Variants in TRIM22 observed in about 807,000 individuals in gnomAD.
The protein encoded by TRIM22 is tripartite motif containing 22.
A neutral mutation model predicts 53.6 loss-of-function variants in TRIM22; 45 were observed. That is an observed-to-expected ratio of 0.84 (90% CI 0.66 to 1.08). The LOEUF is 1.08. TRIM22 is among the 50% of genes least tolerant of loss of function. The pLI, the probability that TRIM22 is intolerant of heterozygous loss-of-function variation, is 0.00. For missense variants in TRIM22, 616 were observed against 590.9 expected, an observed-to-expected ratio of 1.04 and a Z score of -0.44; for synonymous variants, 225 against 216.6, an observed-to-expected ratio of 1.04 and a Z score of -0.34.
chr11:5,709,784 T>C lies in TRIM22; in HGVS notation c.*136T>C. Reference sequence around the variant, plus strand: ...TTTACTTAGAATGTCTTTGTATTCATTTGCTAGGGCTTCCATAGCAAAGCA... The same window carrying C: ...TTTACTTAGAATGTCTTTGTATTCACTTGCTAGGGCTTCCATAGCAAAGCA... On this transcript the variant is annotated 3_prime_UTR_variant, in exon 8 of 8. Coordinates refer to ENST00000379965, the MANE Select transcript of TRIM22 (RefSeq NM_006074.5). 1 of 778,894 alleles carries C rather than the reference T, an allele frequency of 1.3e-6. No homozygotes were observed. The highest frequency in any genetic ancestry group is 2.1e-6 in the Non-Finnish European group (1 of 487,486). 48.2% of individuals were successfully genotyped at this position (778,894 alleles called of 1,614,324 possible).
chr11:5,696,839 T>TA (rs1853271585), intron 2 of TRIM22, 184 bp downstream of exon 2: 2 of 634,560 alleles, frequency 3.2e-6, no homozygotes, highest in Middle Eastern at 3.8e-4. Context: ...TTGTTTTATT[T>TA]AAAAAAGAGT....
chr11:5,707,276 A>G (rs1590320525), intron 5 of TRIM22, among the ~76,000 whole-genome samples: 1 of 152,258 alleles, frequency 6.6e-6, no homozygotes, highest in East Asian at 1.9e-4. Flanking sequence ...ATAACTTGAA[A>G]CCTCAGACAT....
intron 1 of TRIM22, 51 bp from the exon 2 acceptor site, chr11:5,696,116 G>A (rs1853254595): frequency 1.1e-6 from 1 of 886,350 alleles, no homozygotes; most frequent in Non-Finnish European, 1.7e-6. Context: ...TGTAAAAGCA[G>A]TATTCTTTCT....
chr11:5,696,255 A>C lies in TRIM22; in HGVS notation c.23A>C (p.Asp8Ala), dbSNP rs1853256513. The C allele has an allele frequency of 3.1e-6, 5 of 1,612,300 alleles. No individual in the cohort carries two copies. The East Asian group carries it at 1.1e-4, about 36-fold the overall frequency. The change falls in exon 2 of 8, where the codon GAC (aspartate) becomes GCC (alanine). Residue 8 changes from aspartate (D) to alanine (A), a missense_variant. Transcript: ENST00000379965. MDFSVKVDIEKEVTCPIC... is the reference protein window; with the variant it reads MDFSVKVAIEKEVTCPIC... ...GCAATGGATTTCTCAGTAAAGGTAG[A>C]CATAGAGAAGGAGGTGACCTGCCCC...
chr11:5,706,126 G>GT (rs766634579), intron 4 of TRIM22, among the ~76,000 whole-genome samples: 2 of 152,082 alleles, frequency 1.3e-5, no homozygotes, highest in African/African-American at 2.4e-5. Flanking sequence ...AATTAATGAG[G>GT]TTTTCTCATT....
intron 6 of TRIM22, 96 bp downstream of exon 6, chr11:5,708,369 G>A: frequency 8.4e-7 from 1 of 1,187,052 alleles, no homozygotes. Context: ...ATATAGGAGA[G>A]GAGGTGGGCC....
Position 5,709,103 on chromosome 11 carries a change from G to A in TRIM22, c.952G>A (p.Val318Met). The part of the protein sequence containing the change: ...GSATSNVAIS[V>M]DQRQVKTVRT... ...TGCCACTTCGAATGTTGCTATTTCTGTGGATCAGAGACAAGTGAAAACTGT... is the reference window on the plus strand; with the variant it reads ...TGCCACTTCGAATGTTGCTATTTCTATGGATCAGAGACAAGTGAAAACTGT... Residue 318 changes from valine to methionine, a missense_variant, in exon 8 of 8, where the codon GTG becomes ATG. By Grantham distance (21) the Val-to-Met change is conservative (BLOSUM62 1). Coordinates refer to ENST00000379965, the MANE Select transcript of TRIM22 (RefSeq NM_006074.5). The A allele has an allele frequency of 1.2e-6, 2 of 1,614,094 alleles. No individual in the cohort carries two copies. Among genetic ancestry groups the A allele is most frequent in the East Asian group, 2.2e-5 (1 of 44,892 alleles).
In TRIM22 at chr11:5,706,440, T is replaced by C. The variant is rs1280758175; in HGVS notation, c.751-154T>C. On this transcript the variant is annotated intron_variant, in intron 4 of 7. Coordinates refer to ENST00000379965, the MANE Select transcript of TRIM22 (RefSeq NM_006074.5). ...AGTTTAATTTCAGATAAAAGAAATG[T>C]AATATTTTTAGTATAAGAATATCTT... 9 of 484,938 alleles carry C rather than the reference T, an allele frequency of 1.9e-5. No individual in the cohort carries two copies. The East Asian group carries it at 3.3e-4, about 18-fold the overall frequency. The allele number at this position is 484,938 out of a possible 1,614,324, so 30.0% of individuals were successfully genotyped here.
intron 4 of TRIM22, among the ~76,000 whole-genome samples, chr11:5,699,864 A>G (rs542769069): frequency 6.6e-6 from 1 of 151,876 alleles, no homozygotes; most frequent in East Asian, 1.9e-4. Context: ...ACCTTTTTAA[A>G]GAGTTTTTTC....
rs1448422344 is a variant in TRIM22 at position 5,698,297 on chromosome 11, T to A, written c.520-18T>A. On this transcript the variant is annotated intron_variant, in intron 3 of 7. Transcript: ENST00000379965. ...CAACCAGCCAGACTGACTGCCTCTT[T>A]CTCTTTTCATTCCCAAGAATTATAT... 1 of 1,609,384 alleles carries A rather than the reference T, an allele frequency of 6.2e-7. No homozygotes were observed. The highest frequency in any genetic ancestry group is 1.3e-5 in the African/African-American group (1 of 74,842).
intron 4 of TRIM22, among the ~76,000 whole-genome samples, chr11:5,700,765 G>A (rs1436651140): frequency 6.6e-6 from 1 of 151,596 alleles, no homozygotes; most frequent in East Asian, 1.9e-4. Context: ...TGGGACTGCA[G>A]GCCGCCCACC....
chr11:5,698,642 G>C (rs1853314036), intron 4 of TRIM22, 97 bp downstream of exon 4: 1 of 1,039,576 alleles, frequency 9.6e-7, no homozygotes, highest in South Asian at 1.6e-5. Flanking sequence ...TCTTCTGTGT[G>C]GTGACATGAA....
At chr11:5,704,778 T>G (rs539991124) in intron 4 of TRIM22, among the ~76,000 whole-genome samples, 3 of 152,328 alleles carry the variant, frequency 2.0e-5, no homozygotes, top group Admixed American at 6.5e-5. Context: ...CTTTGATTTA[T>G]TTTTAGTTAT....
At chr11:5,693,784 T>C (rs942597931) in intron 1 of TRIM22, among the ~76,000 whole-genome samples, 8 of 151,848 alleles carry the variant, frequency 5.3e-5, no homozygotes, top group Admixed American at 1.3e-4. Context: ...GTATTAGTTT[T>C]CTAGAGCTGT....
At chr11:5,706,927 T>C (rs1853465259) in intron 5 of TRIM22, among the ~76,000 whole-genome samples, 1 of 152,206 alleles carries the variant, frequency 6.6e-6, no homozygotes, top group Admixed American at 6.5e-5. Context: ...CCTGTCTTAT[T>C]GCAGTGAGGC....
rs1853475504 is a variant in TRIM22 at position 5,707,284 on chromosome 11, C to T, written c.773+668C>T. 2.0e-5 allele frequency among the ~76,000 whole-genome samples: 3 copies of T among 152,204 alleles called. No homozygotes were observed. In the South Asian group the frequency reaches 6.2e-4, roughly 32 times the overall value. ...TCCCCAAATAACTTGAAACCTCAGA[C>T]ATTATTCTCTAGGTCTCATATTGGG... On this transcript the variant is annotated intron_variant, in intron 5 of 7. Coordinates refer to ENST00000379965, the MANE Select transcript of TRIM22 (RefSeq NM_006074.5).
At chr11:5,692,235 G>A (rs147433890) in intron 1 of TRIM22, among the ~76,000 whole-genome samples, 36 of 152,310 alleles carry the variant, frequency 2.4e-4, no homozygotes, top group African/African-American at 8.4e-4. Context: ...GCAATAGGAT[G>A]TGGTATCTGT....
intron 7 of TRIM22, 116 bp from the exon 8 acceptor site, chr11:5,708,937 T>A (rs1853510067): frequency 1.2e-6 from 1 of 829,940 alleles, no homozygotes; most frequent in African/African-American, 1.7e-5. Context: ...CCTCTGACTA[T>A]CAACACAAGT....
intron 4 of TRIM22, among the ~76,000 whole-genome samples, chr11:5,701,703 C>A (rs1238478737): frequency 6.6e-6 from 1 of 152,106 alleles, no homozygotes; most frequent in Non-Finnish European, 1.5e-5. Flanking sequence ...TCTGAAAGCT[C>A]AGAGCCCAAA....
Sources: allele counts gnomAD v4.1 joint callset (sites outside exome capture counted in the v4.1 genomes callset), GRCh38; gene constraint gnomAD v4.1.1; transcripts MANE v1.5; gene names NCBI Gene and HGNC (gene_info 2026-07-23, HGNC 2026-07-21).